The following ESR1 variants were observed in gnomAD, a reference collection of about 807,000 sequenced individuals.
ESR1 encodes estrogen receptor.
Under a neutral mutation model 52.7 loss-of-function variants are expected in ESR1, and 12 were observed. The ratio of observed to expected loss-of-function variants is 0.23; its 90% CI spans 0.15 to 0.37. The LOEUF (loss-of-function observed/expected upper bound fraction) is 0.37. Ranked by LOEUF, ESR1 falls within the 10% of genes least tolerant of loss-of-function variation. The probability of loss-of-function intolerance (pLI) is 1.00; values close to 1 mark genes in which losing one functional copy is unlikely to be tolerated. For missense variants in ESR1, 584 were observed against 779.7 expected (o/e 0.75, Z 2.99); for synonymous variants, 305 against 316.8 (o/e 0.96, Z 0.39).
chr6:151,743,259 T>C lies in ESR1; in HGVS notation c.-71+41254T>C, dbSNP rs1331526184. Among the ~76,000 whole-genome samples, 51 of 152,002 alleles carry C rather than the reference T, an allele frequency of 3.4e-4. 1 individual carries two copies. The highest frequency in any genetic ancestry group is 3.3e-3 in the Admixed American group (51 of 15,254). ...TGCAAGGGCATGTAGGGCTTGGGCA[T>C]GGGGTGGACTTGATCGTGGGGGCTT... On this transcript the variant is annotated intron_variant, in intron 2 of 2. Transcript: ENST00000404742.
At chr6:152,012,681 CA>C (rs2042875796) in intron 5 of ESR1, among the ~76,000 whole-genome samples, 1 of 152,200 alleles carries the variant, frequency 6.6e-6, no homozygotes, top group Admixed American at 6.5e-5. Context: ...CTCTCATGTT[CA>C]GTGATGCCTC....
At chr6:152,063,940 A>G (rs2047756392) in intron 6 of ESR1, among the ~76,000 whole-genome samples, 1 of 152,220 alleles carries the variant, frequency 6.6e-6, no homozygotes, top group East Asian at 1.9e-4. Flanking sequence ...GGTTGTTGTG[A>G]GGACCTGCTC....
chr6:151,765,929 T>G (rs1460079498), intron 2 of ESR1, among the ~76,000 whole-genome samples: 1 of 152,240 alleles, frequency 6.6e-6, no homozygotes, highest in Non-Finnish European at 1.5e-5. Flanking sequence ...ATCCGTGTTT[T>G]GGACATGGTG....
At chr6:151,823,759 A>G (rs1459206395) in intron 1 of ESR1, among the ~76,000 whole-genome samples, 2 of 152,068 alleles carry the variant, frequency 1.3e-5, no homozygotes, top group African/African-American at 4.8e-5. Context: ...GCTGAGAATG[A>G]TGGTTTCCAG....
intron 6 of ESR1, among the ~76,000 whole-genome samples, chr6:152,088,525 G>T (rs2049924067): frequency 6.6e-6 from 1 of 152,224 alleles, no homozygotes; most frequent in Non-Finnish European, 1.5e-5. Flanking sequence ...AGAAGATTCT[G>T]CGCTCATGAG....
chr6:151,948,302 C>T (rs1366520772), intron 4 of ESR1, among the ~76,000 whole-genome samples: 2 of 152,192 alleles, frequency 1.3e-5, no homozygotes, highest in Non-Finnish European at 2.9e-5. Flanking sequence ...CATAATTTTA[C>T]ATGTCTCGAA....
intron 5 of ESR1, among the ~76,000 whole-genome samples, chr6:152,021,555 GCTTA>G (rs997382489): frequency 1.4e-4 from 21 of 152,060 alleles, no homozygotes. Flanking sequence ...TTCTTAACCT[GCTTA>G]CTTATTTACC....
Position 152,094,600 on chromosome 6 carries a change from A to C in ESR1, c.1553+32A>C. ...CATCTGTGGGCTTCCTACAGGAGAG[A>C]CATAAAGAAAACATGCCCCCAAACC... On this transcript the variant is annotated intron_variant, in intron 7 of 7. Coordinates refer to ENST00000206249, the MANE Select transcript of ESR1 (RefSeq NM_000125.4). The surrounding 1 kb of genome is among the most constrained non-coding windows in gnomAD (Gnocchi z 4.6). The C allele has an allele frequency of 6.2e-7, 1 of 1,606,298 alleles. No homozygotes were observed. Among genetic ancestry groups the C allele is most frequent in the Non-Finnish European group, 8.5e-7 (1 of 1,176,442 alleles).
At chr6:151,916,215 G>T (rs1029009257) in intron 3 of ESR1, among the ~76,000 whole-genome samples, 1 of 152,180 alleles carries the variant, frequency 6.6e-6, no homozygotes, top group Non-Finnish European at 1.5e-5. Context: ...GGTTTTAATG[G>T]GGAGTTGCTA....
upstream of ESR1, among the ~76,000 whole-genome samples, chr6:151,689,560 A>G (rs1778820302): frequency 6.6e-6 from 1 of 152,234 alleles, no homozygotes; most frequent in African/African-American, 2.4e-5. Context: ...CATTGATTTC[A>G]AAATGTTTTA....
intron 2 of ESR1, among the ~76,000 whole-genome samples, chr6:151,780,598 C>G (rs1184164703): frequency 6.6e-6 from 1 of 152,100 alleles, no homozygotes; most frequent in African/African-American, 2.4e-5. Flanking sequence ...AAGGTGGTAG[C>G]CAGGATTGAA....
intron 2 of ESR1, among the ~76,000 whole-genome samples, chr6:151,850,105 T>TACAAAATTATATATATATATGC (rs1554268323): frequency 2.3e-5 from 1 of 43,760 alleles, no homozygotes; most frequent in Non-Finnish European, 3.6e-5. Context: ...TTTATATATA[T>TACAAAATTATATATATATATGC]ATACAAAATT....
At chr6:152,082,563 T>C (rs11155831) in intron 6 of ESR1, among the ~76,000 whole-genome samples, 32,092 of 152,106 alleles carry the variant, frequency 0.21, 4,780 homozygotes, top group African/African-American at 0.41. Flanking sequence ...AAGATAAGAA[T>C]GCCCTCTCTC....
intron 3 of ESR1, among the ~76,000 whole-genome samples, chr6:151,898,022 C>G (rs1795819834): frequency 6.6e-6 from 1 of 152,146 alleles, no homozygotes. Context: ...GAAGATAGGG[C>G]CCCAATCCCT....
chr6:151,952,103 G>A (rs1430526098), intron 4 of ESR1, among the ~76,000 whole-genome samples: 3 of 152,008 alleles, frequency 2.0e-5, no homozygotes, highest in Admixed American at 6.5e-5. Context: ...TTCCAAATAC[G>A]ACCACAAGTA....
At chr6:151,968,364 A>G (rs904013172) in intron 4 of ESR1, among the ~76,000 whole-genome samples, 1 of 152,210 alleles carries the variant, frequency 6.6e-6, no homozygotes, top group Admixed American at 6.5e-5. Flanking sequence ...GGCATGGGCA[A>G]ATACTTCATG....
At chr6:151,899,510 C>T (rs1242146487) in intron 3 of ESR1, among the ~76,000 whole-genome samples, 2 of 146,306 alleles carry the variant, frequency 1.4e-5, no homozygotes, top group African/African-American at 5.1e-5. Context: ...GACGGGGCGG[C>T]TGGCCGGGCG....
chr6:152,075,507 C>T (rs1311382986), intron 6 of ESR1, among the ~76,000 whole-genome samples: 1 of 152,184 alleles, frequency 6.6e-6, no homozygotes, highest in African/African-American at 2.4e-5. Context: ...AGAAACAATA[C>T]ACCTAAAGAA....
chr6:151,763,507 C>CT lies in ESR1; in HGVS notation c.-70-44328dup, dbSNP rs943532297. Reference sequence around the variant, plus strand: ...TTTTGATGTGCGTACATATGTGCGTCTTTTTTTTCCCCCTAGGGGTGGAAT... The same window carrying CT: ...TTTTGATGTGCGTACATATGTGCGTCTTTTTTTTTCCCCCTAGGGGTGGAAT... On this transcript the variant is annotated intron_variant, in intron 2 of 2. Coordinates refer to the ESR1 transcript ENST00000404742. Among the ~76,000 whole-genome samples, 77 of 152,156 alleles carry CT rather than the reference C, an allele frequency of 5.1e-4. 2 individuals carry two copies. In the South Asian group the frequency reaches 0.015, roughly 29 times the overall value.
Sources: allele counts gnomAD v4.1 joint callset (sites outside exome capture counted in the v4.1 genomes callset), GRCh38; gene constraint gnomAD v4.1.1; non-coding constraint Gnocchi (gnomAD v3.1); transcripts MANE v1.5; gene names NCBI Gene and HGNC (gene_info 2026-07-23, HGNC 2026-07-21).